The following SH2D4A variants were observed in gnomAD, a reference collection of about 807,000 sequenced individuals.
SH2D4A encodes the protein SH2 domain containing 4A, also known as SH2 domain-containing protein 4A.
SH2D4A carries 70 observed loss-of-function variants against 64.7 expected under a neutral mutation model. That is an observed-to-expected ratio of 1.08 (90% CI 0.89 to 1.32). The LOEUF (loss-of-function observed/expected upper bound fraction) is 1.32, where lower values mean the gene tolerates loss of function less well. Among genes scored for constraint, SH2D4A ranks in the 40% most tolerant of loss-of-function variants. The pLI, the probability that SH2D4A is intolerant of heterozygous loss-of-function variation, is 0.00. For missense variants in SH2D4A, 706 were observed against 540.1 expected (o/e 1.31, Z -3.04); for synonymous variants, 268 against 200.7 (o/e 1.34, Z -2.83).
chr8:19,313,725 C>G lies in SH2D4A; in HGVS notation c.-303C>G, dbSNP rs1025102347. Reference sequence around the variant, plus strand: ...CTCAGCCCGCCTGCGCCGCTTGGGACGCCTCTGCCTTTCCCTCCCTCCCTT... The same window carrying G: ...CTCAGCCCGCCTGCGCCGCTTGGGAGGCCTCTGCCTTTCCCTCCCTCCCTT... On this transcript the variant is annotated 5_prime_UTR_variant, in exon 1 of 10. Transcript: ENST00000265807. 340 of 1,500,764 alleles carry G rather than the reference C, an allele frequency of 2.3e-4. No individual in the cohort carries two copies. The highest frequency in any genetic ancestry group is 2.8e-4 in the Non-Finnish European group (313 of 1,128,458). 93.0% of individuals were successfully genotyped at this position (1,500,764 alleles called of 1,614,324 possible).
At chr8:19,322,952 C>T (rs929557285) in intron 2 of SH2D4A, among the ~76,000 whole-genome samples, 2 of 152,054 alleles carry the variant, frequency 1.3e-5, no homozygotes, top group Non-Finnish European at 2.9e-5. Context: ...TGGGATTACA[C>T]GCATGACCCA....
chr8:19,361,317 G>A lies in SH2D4A; in HGVS notation c.706+3G>A, dbSNP rs1198951111. On this transcript the variant is annotated splice_donor_region_variant and intron_variant, in intron 6 of 9. Transcript: ENST00000265807. Reference sequence around the variant, plus strand: ...AGACTCGGAATGGCAGGCATCTCGTGAGTACCCAGAGGTCTCCATAGCACC... The same window carrying A: ...AGACTCGGAATGGCAGGCATCTCGTAAGTACCCAGAGGTCTCCATAGCACC... 6.2e-7 allele frequency: 1 copy of A among 1,605,974 alleles called. No individual in the cohort carries two copies. Among genetic ancestry groups the A allele is most frequent in the African/African-American group, 1.3e-5 (1 of 74,242 alleles).
intron 2 of SH2D4A, among the ~76,000 whole-genome samples, chr8:19,323,509 T>C (rs1346504150): frequency 6.6e-6 from 1 of 151,770 alleles, no homozygotes; most frequent in Non-Finnish European, 1.5e-5. Flanking sequence ...GCCTCCCAAG[T>C]AGTTGGAGTT....
intron 8 of SH2D4A, among the ~76,000 whole-genome samples, chr8:19,390,522 G>T (rs1420010577): frequency 6.6e-6 from 1 of 152,030 alleles, no homozygotes; most frequent in Non-Finnish European, 1.5e-5. Flanking sequence ...GCCCCTGATG[G>T]ATTCATGACA....
At chr8:19,388,870 T>C (rs2153652213) in intron 8 of SH2D4A, among the ~76,000 whole-genome samples, 1 of 152,328 alleles carries the variant, frequency 6.6e-6, no homozygotes, top group South Asian at 2.1e-4. Context: ...ATGGAGTAGT[T>C]GGCCTCTAGG....
chr8:19,328,388 G>T lies in SH2D4A; in HGVS notation c.182-4567G>T, dbSNP rs768073388. ...TTTTTTTTTTACTCCTTAAGCAAAT[G>T]AATTTTCTTGTCACTACTTCTGCCT... On this transcript the variant is annotated intron_variant, in intron 2 of 9. Coordinates refer to ENST00000265807, the MANE Select transcript of SH2D4A (RefSeq NM_022071.4). Among the ~76,000 whole-genome samples, 89 of 151,976 alleles carry T rather than the reference G, an allele frequency of 5.9e-4. 1 individual carries two copies. The highest frequency in any genetic ancestry group is 2.7e-3 in the South Asian group (13 of 4,800).
At chr8:19,372,998 T>C (rs1293962736) in intron 7 of SH2D4A, among the ~76,000 whole-genome samples, 1 of 152,180 alleles carries the variant, frequency 6.6e-6, no homozygotes, top group East Asian at 1.9e-4. Flanking sequence ...TGTTTGCAAA[T>C]ACCTGCTTTC....
chr8:19,322,758 C>T (rs13438810), intron 2 of SH2D4A, among the ~76,000 whole-genome samples: 1 of 149,710 alleles, frequency 6.7e-6, no homozygotes, highest in African/African-American at 2.5e-5. Context: ...GCAACCTCTG[C>T]CTCCCAGGTT....
chr8:19,374,054 C>A (rs149392038), intron 8 of SH2D4A, among the ~76,000 whole-genome samples: 1 of 152,308 alleles, frequency 6.6e-6, no homozygotes, highest in East Asian at 1.9e-4. Context: ...ACTGGCTGAG[C>A]AACCTTGAAC....
rs766892725 is a variant in SH2D4A at position 19,334,846 on chromosome 8, G to A, written c.502G>A (p.Glu168Lys). 2.0e-5 allele frequency: 32 copies of A among 1,603,102 alleles called. No individual in the cohort carries two copies. The highest frequency in any genetic ancestry group is 2.6e-5 in the Non-Finnish European group (31 of 1,177,364). The change falls in exon 4 of 10, where the codon GAG (glutamate) becomes AAG (lysine). Residue 168 changes from glutamate (E) to lysine (K), a missense_variant. Physicochemically the swap from Glu to Lys is moderately conservative, Grantham distance 56 (BLOSUM62 1). Coordinates refer to ENST00000265807, the MANE Select transcript of SH2D4A (RefSeq NM_022071.4). Reference protein sequence around the residue: ...GSRPAPTLEEEKIRSLSSSSR... With the variant: ...GSRPAPTLEEKKIRSLSSSSR... ...GAGGCCAGCACCAACCCTGGAAGAA[G>A]AGAAAATCCGAGTGAGTCCTTACTG...
intron 7 of SH2D4A, among the ~76,000 whole-genome samples, chr8:19,368,955 A>C (rs1448093615): frequency 6.6e-6 from 1 of 152,102 alleles, no homozygotes; most frequent in African/African-American, 2.4e-5. Flanking sequence ...TTCAGCATGT[A>C]AACTGTGATT....
At chr8:19,368,657 G>A (rs2053044203) in intron 7 of SH2D4A, among the ~76,000 whole-genome samples, 1 of 138,116 alleles carries the variant, frequency 7.2e-6, no homozygotes, top group African/African-American at 2.7e-5. Flanking sequence ...TTGATGCATA[G>A]AGATGCTACT....
intron 4 of SH2D4A, among the ~76,000 whole-genome samples, chr8:19,349,732 A>G (rs1310732326): frequency 2.6e-5 from 4 of 152,238 alleles, no homozygotes; most frequent in Non-Finnish European, 5.9e-5. Flanking sequence ...TACATATGAT[A>G]TGAATATAGT....
At chr8:19,376,624 A>G (rs1423667667) in intron 8 of SH2D4A, among the ~76,000 whole-genome samples, 1 of 152,058 alleles carries the variant, frequency 6.6e-6, no homozygotes, top group Non-Finnish European at 1.5e-5. Flanking sequence ...CTCTGTCTCA[A>G]AATAATAATA....
rs367896586 is a variant in SH2D4A, at chr8:19,364,168, G to A, written c.803G>A (p.Arg268Lys). ...KRLSLGAQKGRGGERLQSPLR... is the reference protein window; with the variant it reads ...KRLSLGAQKGKGGERLQSPLR... Reference sequence around the variant, plus strand: ...TTATCCCTCGGGGCCCAGAAAGGAAGAGGCGGTGAGAGGCTGCAAAGCCCC... The same window carrying A: ...TTATCCCTCGGGGCCCAGAAAGGAAAAGGCGGTGAGAGGCTGCAAAGCCCC... Residue 268 changes from arginine to lysine, a missense_variant, in exon 7 of 10, where the codon AGA becomes AAA. Transcript: ENST00000265807. 2 of 1,614,018 alleles carry A rather than the reference G, an allele frequency of 1.2e-6. No homozygotes were observed. The highest frequency in any genetic ancestry group is 2.7e-5 in the African/African-American group (2 of 74,934).
intron 8 of SH2D4A, among the ~76,000 whole-genome samples, chr8:19,378,632 C>T (rs940923611): frequency 6.6e-6 from 1 of 152,134 alleles, no homozygotes; most frequent in African/African-American, 2.4e-5. Context: ...GATGGGGTTT[C>T]ATCATGTTGG....
intron 7 of SH2D4A, among the ~76,000 whole-genome samples, chr8:19,367,694 C>G (rs960298330): frequency 9.2e-5 from 14 of 152,178 alleles, no homozygotes; most frequent in African/African-American, 3.4e-4. Flanking sequence ...TTGATTGTTT[C>G]CTTTGCTGCA....
chr8:19,357,149 A>C, intron 4 of SH2D4A, 54 bp from the exon 5 acceptor site: 2 of 1,362,976 alleles, frequency 1.5e-6, no homozygotes, highest in Non-Finnish European at 2.1e-6. Context: ...AGATTATCTT[A>C]TGAAACTGCA....
chr8:19,322,138 C>G (rs993766328), intron 2 of SH2D4A, among the ~76,000 whole-genome samples: 3 of 152,130 alleles, frequency 2.0e-5, no homozygotes, highest in African/African-American at 7.2e-5. Context: ...AAGTTACTCC[C>G]ACTTCCCCTA....
Sources: allele counts gnomAD v4.1 joint callset (sites outside exome capture counted in the v4.1 genomes callset), GRCh38; gene constraint gnomAD v4.1.1; transcripts MANE v1.5; gene names NCBI Gene and HGNC (gene_info 2026-07-23, HGNC 2026-07-21).